Variants in NCLN observed in about 807,000 individuals in gnomAD.
The protein encoded by NCLN is nicalin, also known as BOS complex subunit NCLN.
A neutral mutation model predicts 69.5 loss-of-function variants in NCLN; 34 were observed. The observed-to-expected ratio is 0.49, with a 90% CI of 0.37 to 0.65. The LOEUF (loss-of-function observed/expected upper bound fraction) is 0.65, where lower values mean the gene tolerates loss of function less well. NCLN is among the 30% of genes least tolerant of loss of function. NCLN has a pLI of 0.00. For synonymous variants in NCLN, 393 were observed against 358.3 expected, an observed-to-expected ratio of 1.10 and a Z score of -1.09; for missense variants, 710 against 804.8, an observed-to-expected ratio of 0.88 and a Z score of 1.42.
intron 3 of NCLN, among the ~76,000 whole-genome samples, chr19:3,195,443 G>T (rs1278502977): frequency 6.6e-6 from 1 of 151,936 alleles, no homozygotes; most frequent in Non-Finnish European, 1.5e-5. Flanking sequence ...TAGAGACGGG[G>T]TTTCACCGTG....
chr19:3,193,790 C>T (rs767058734), intron 3 of NCLN, among the ~76,000 whole-genome samples: 1 of 152,182 alleles, frequency 6.6e-6, no homozygotes, highest in Non-Finnish European at 1.5e-5. Context: ...CTCAGCATCA[C>T]ATCTCGAGTG....
intron 1 of NCLN, among the ~76,000 whole-genome samples, chr19:3,190,152 G>C (rs1280121237): frequency 6.6e-6 from 1 of 152,190 alleles, no homozygotes; most frequent in Non-Finnish European, 1.5e-5. Flanking sequence ...GGGGAGGGGT[G>C]CTCCCAGCAC....
intron 6 of NCLN, among the ~76,000 whole-genome samples, chr19:3,201,997 C>T (rs1327937876): frequency 6.6e-6 from 1 of 152,170 alleles, no homozygotes; most frequent in East Asian, 1.9e-4. Flanking sequence ...TGAGCAGCAT[C>T]CCTGCCCCAC....
chr19:3,201,679 C>G, intron 6 of NCLN, 53 bp downstream of exon 6: 2 of 1,333,266 alleles, frequency 1.5e-6, no homozygotes, highest in Non-Finnish European at 2.1e-6. Context: ...CACTGCCGGA[C>G]AGCGCTGCCC....
chr19:3,206,334 GA>G lies in NCLN; in HGVS notation c.1409del (p.Asp470AlafsTer14). The G allele has an allele frequency of 6.5e-7, 1 of 1,548,330 alleles. No homozygotes were observed. The highest frequency in any genetic ancestry group is 8.7e-7 in the Non-Finnish European group (1 of 1,146,938). ...CCAGCCGCGGGCCGCGCAGCTGGTGGACAAGGACAGCACCTTCCTCAGCACG... is the reference window on the plus strand; with the variant it reads ...CCAGCCGCGGGCCGCGCAGCTGGTGGCAAGGACAGCACCTTCCTCAGCACG... ...TNQPRAAQLV[D>X]KDSTFLSTLE... On this transcript the variant is annotated frameshift_variant, in exon 12 of 15. Transcript: ENST00000246117. LOFTEE classifies it high-confidence loss of function.
intron 2 of NCLN, 21 bp downstream of exon 2, chr19:3,192,681 G>A (rs761745742): frequency 6.0e-6 from 9 of 1,507,440 alleles, no homozygotes; most frequent in East Asian, 2.4e-5. Flanking sequence ...GCCCTGCCCC[G>A]CCCGGCTCAG....
At chr19:3,196,865 G>A (rs1482382126) in intron 4 of NCLN, among the ~76,000 whole-genome samples, 1 of 152,346 alleles carries the variant, frequency 6.6e-6, no homozygotes, top group African/African-American at 2.4e-5. Context: ...ATTTCCCTGC[G>A]GGACGGCGCC....
rs115572481 is a variant in NCLN at position 3,191,366 on chromosome 19, G to A, written c.185-1104G>A. Among the ~76,000 whole-genome samples, 708 of 152,254 alleles carry A rather than the reference G, an allele frequency of 4.7e-3. 4 individuals carry two copies. Among genetic ancestry groups the A allele is most frequent in the African/African-American group, 0.016 (681 of 41,538 alleles). On this transcript the variant is annotated intron_variant, in intron 1 of 14. Transcript: ENST00000246117. ...GAAGTGAATAAGCCCGTGATGGAGCGACAGCCCCAGGCTCTCAGCGACGGC... is the reference window on the plus strand; with the variant it reads ...GAAGTGAATAAGCCCGTGATGGAGCAACAGCCCCAGGCTCTCAGCGACGGC...
At chr19:3,202,019 C>G (rs955253133) in intron 6 of NCLN, among the ~76,000 whole-genome samples, 1 of 152,182 alleles carries the variant, frequency 6.6e-6, no homozygotes, top group Non-Finnish European at 1.5e-5. Context: ...CACTCCATGC[C>G]AGGAACACGC....
rs1916227855 is a variant in NCLN at position 3,204,938 on chromosome 19, G to T, written c.1208+187G>T. Among the ~76,000 whole-genome samples, 3 of 152,308 alleles carry T rather than the reference G, an allele frequency of 2.0e-5. No individual in the cohort carries two copies. In the South Asian group the frequency reaches 6.2e-4, roughly 32 times the overall value. The stretch of plus-strand genomic sequence containing the variant: ...CGTTCGCAAGCTCTTCCTTACTGGG[G>T]CTAGGGAGGGCGAGGCCAGCAGCCT... On this transcript the variant is annotated intron_variant, in intron 9 of 14. Transcript: ENST00000246117.
chr19:3,194,588 C>T (rs1177330834), intron 3 of NCLN, among the ~76,000 whole-genome samples: 1 of 152,198 alleles, frequency 6.6e-6, no homozygotes, highest in Non-Finnish European at 1.5e-5. Flanking sequence ...GCCTGCAAAG[C>T]CGAAAGTGTT....
At chr19:3,197,002 C>T (rs1300030715) in intron 4 of NCLN, among the ~76,000 whole-genome samples, 2 of 152,204 alleles carry the variant, frequency 1.3e-5, no homozygotes, top group African/African-American at 2.4e-5. Flanking sequence ...GGAAAAGCAG[C>T]GGCTTAGGCC....
chr19:3,202,712 A>G (rs311627), intron 6 of NCLN, among the ~76,000 whole-genome samples: 1 of 151,568 alleles, frequency 6.6e-6, no homozygotes, highest in Non-Finnish European at 1.5e-5. Context: ...CTAAAGCACT[A>G]GGATTACAGG....
intron 1 of NCLN, among the ~76,000 whole-genome samples, chr19:3,191,503 G>A (rs1265048037): frequency 3.3e-5 from 5 of 152,192 alleles, no homozygotes; most frequent in African/African-American, 4.8e-5. Flanking sequence ...TGTCCAAGGC[G>A]CAGTAGGGTG....
At chr19:3,188,964 G>A (rs1915742796) in intron 1 of NCLN, among the ~76,000 whole-genome samples, 1 of 152,216 alleles carries the variant, frequency 6.6e-6, no homozygotes, top group Non-Finnish European at 1.5e-5. Flanking sequence ...TGCCTTTGAG[G>A]CCACCCTCCA....
In NCLN at chr19:3,186,091, G is replaced by A. The variant is rs1197260145; in HGVS notation, c.61G>A (p.Gly21Ser). ...NMLKASCLPL[G>S]FIVFLPAVLL... Reference sequence around the variant, plus strand: ...GCTGAAGGCGTCTTGTCTGCCGCTCGGCTTCATCGTCTTCCTGCCCGCTGT... The same window carrying A: ...GCTGAAGGCGTCTTGTCTGCCGCTCAGCTTCATCGTCTTCCTGCCCGCTGT... Residue 21 changes from glycine to serine, a missense_variant, in exon 1 of 15, where the codon GGC (glycine) becomes AGC (serine). Gly to Ser is a moderately conservative substitution (Grantham distance 56, BLOSUM62 0). Coordinates refer to ENST00000246117, the MANE Select transcript of NCLN (RefSeq NM_020170.4). 2 of 1,599,590 alleles carry A rather than the reference G, an allele frequency of 1.3e-6. No homozygotes were observed. Among genetic ancestry groups the A allele is most frequent in the Non-Finnish European group, 1.7e-6 (2 of 1,174,874 alleles).
chr19:3,187,072 A>G (rs1418978261), intron 1 of NCLN, among the ~76,000 whole-genome samples: 1 of 151,510 alleles, frequency 6.6e-6, no homozygotes, highest in African/African-American at 2.4e-5. Flanking sequence ...ATGCATACCC[A>G]CGCCCTCAGC....
chr19:3,192,415 C>T (rs1349396589), intron 1 of NCLN, 55 bp from the exon 2 acceptor site: 3 of 1,454,530 alleles, frequency 2.1e-6, no homozygotes, highest in Non-Finnish European at 2.7e-6. Context: ...GATCTGTCCC[C>T]TCCCGTCGGC....
intron 1 of NCLN, among the ~76,000 whole-genome samples, chr19:3,190,431 A>G (rs1418503919): frequency 6.6e-6 from 1 of 151,586 alleles, no homozygotes; most frequent in Admixed American, 6.6e-5. Context: ...CCCCCCATGC[A>G]CCCAGCTCAG....
Sources: allele counts gnomAD v4.1 joint callset (sites outside exome capture counted in the v4.1 genomes callset), GRCh38; gene constraint gnomAD v4.1.1; transcripts MANE v1.5; gene names NCBI Gene and HGNC (gene_info 2026-07-23, HGNC 2026-07-21).